SLAMF9: variants seen among roughly 807,000 people sequenced by gnomAD.
SLAMF9 encodes SLAM family member 9.
SLAMF9 carries 25 observed loss-of-function variants against 30.4 expected under a neutral mutation model. That is an observed-to-expected ratio of 0.82 (90% CI 0.60 to 1.15). The LOEUF is 1.15. Among genes scored for constraint, SLAMF9 ranks in the 50% most tolerant of loss-of-function variants. The probability of loss-of-function intolerance (pLI) is 0.00; values close to 1 mark genes in which losing one functional copy is unlikely to be tolerated. For missense variants in SLAMF9, 344 were observed against 346.1 expected, an observed-to-expected ratio of 0.99 and a Z score of 0.05; for synonymous variants, 129 against 127.2, an observed-to-expected ratio of 1.01 and a Z score of -0.09.
rs1414669147 is a variant in SLAMF9, at chr1:159,952,462, A to C, written c.464T>G (p.Val155Gly). The C allele has an allele frequency of 4.3e-6, 7 of 1,614,098 alleles. No homozygotes were observed. In the South Asian group the frequency reaches 5.5e-5, roughly 13 times the overall value. ...CATGCCTGCCTTCTCCACAGAGCAC[A>C]CCAGGGACATACTGCAGGCACCTTC... ...SGEGACSMSL[V>G]CSVEKAGMDM... The change falls in exon 3 of 4, where the codon GTG becomes GGG. Residue 155 changes from valine to glycine, a missense_variant. Physicochemically the swap from Val to Gly is moderately radical, Grantham distance 109. Transcript: ENST00000368093.
chr1:159,973,085 C>G, the SLAMF9 span: 1 of 1,491,022 alleles, frequency 6.7e-7, no homozygotes, highest in South Asian at 1.3e-5. Context: ...CAGAGTCTCC[C>G]TCCTTGACTC....
chr1:159,976,889 A>AT, the SLAMF9 span: 1 of 149,966 alleles, frequency 6.7e-6, no homozygotes, highest in Non-Finnish European at 1.5e-5. Context: ...CTAAAAAAAA[A>AT]GAGAAAGAAA....
At chr1:159,952,002 A>G (rs1351638043) in intron 3 of SLAMF9, 136 bp from the exon 4 acceptor site, 2 of 760,384 alleles carry the variant, frequency 2.6e-6, no homozygotes, top group Non-Finnish European at 4.3e-6. Flanking sequence ...TGTCTCTGGA[A>G]ATATATTCTA....
chr1:159,976,376 T>A, the SLAMF9 span, among the ~76,000 whole-genome samples: 1 of 152,208 alleles, frequency 6.6e-6, no homozygotes, highest in African/African-American at 2.4e-5. Context: ...TGAAGCCATG[T>A]GTACAGTGCA....
At chr1:159,964,736 T>G in the SLAMF9 span, among the ~76,000 whole-genome samples, 1 of 152,200 alleles carries the variant, frequency 6.6e-6, no homozygotes, top group African/African-American at 2.4e-5. Context: ...TTTACTTGAT[T>G]AAACAAATTT....
the SLAMF9 span, among the ~76,000 whole-genome samples, chr1:159,968,714 C>G: frequency 6.6e-6 from 1 of 152,096 alleles, no homozygotes; most frequent in Non-Finnish European, 1.5e-5. Flanking sequence ...TAGCAGCACA[C>G]CAACAATGGA....
chr1:159,960,568 C>A, the SLAMF9 span, among the ~76,000 whole-genome samples: 2 of 151,356 alleles, frequency 1.3e-5, no homozygotes, highest in Non-Finnish European at 2.9e-5. Context: ...CAGGTTCAAG[C>A]AATTCTTCCA....
At chr1:159,975,314 C>A in the SLAMF9 span, among the ~76,000 whole-genome samples, 2 of 152,100 alleles carry the variant, frequency 1.3e-5, no homozygotes, top group South Asian at 4.1e-4. Flanking sequence ...TTAGTTCTAC[C>A]TGGGGAGGAG....
chr1:159,976,912 A>AAAAGAAAGAAAG, the SLAMF9 span: 8 of 59,498 alleles, frequency 1.3e-4, no homozygotes, highest in African/African-American at 4.8e-4. Flanking sequence ...AGGAAAGAAA[A>AAAAGAAAGAAAG]AAAGAAAGAA....
chr1:159,982,542 CTT>C, the SLAMF9 span, among the ~76,000 whole-genome samples: 3 of 152,318 alleles, frequency 2.0e-5, no homozygotes, highest in Admixed American at 6.5e-5. Flanking sequence ...TCATGCCTCT[CTT>C]TGTGCTATTT....
chr1:159,951,728 A>T lies in SLAMF9; in HGVS notation c.803T>A (p.Met268Lys). 1.2e-6 allele frequency: 2 copies of T among 1,614,188 alleles called. No homozygotes were observed. Among genetic ancestry groups the T allele is most frequent in the Non-Finnish European group, 1.7e-6 (2 of 1,180,032 alleles). Residue 268 changes from methionine (M) to lysine (K), a missense_variant, in exon 4 of 4, where the codon ATG becomes AAG. Met to Lys is a moderately conservative substitution (Grantham distance 95). Transcript: ENST00000368093. The stretch of plus-strand genomic sequence containing the variant: ...CATTCTGTTTCTCATGAGTTTCTTC[A>T]TCCTTGGCATTTTGTGTCTTTTCTG... Reference protein sequence around the residue: ...RVQKRHKMPRMKKLMRNRMKL... With the variant: ...RVQKRHKMPRKKKLMRNRMKL...
chr1:159,983,436 G>A, the SLAMF9 span: 1 of 152,162 alleles, frequency 6.6e-6, no homozygotes, highest in South Asian at 2.1e-4. Context: ...GGGTCCTCAA[G>A]TTGCCAAGAA....
the SLAMF9 span, among the ~76,000 whole-genome samples, chr1:159,981,795 A>G: frequency 6.6e-6 from 1 of 152,262 alleles, no homozygotes; most frequent in Non-Finnish European, 1.5e-5. Context: ...ACAGGGCTAG[A>G]AACAGGCCAC....
the SLAMF9 span, among the ~76,000 whole-genome samples, chr1:159,961,822 G>T: frequency 6.6e-6 from 1 of 152,154 alleles, no homozygotes; most frequent in Non-Finnish European, 1.5e-5. Flanking sequence ...GCCGCTCACT[G>T]GGGGCGTATA....
chr1:159,975,339 G>T, the SLAMF9 span, among the ~76,000 whole-genome samples: 1 of 152,160 alleles, frequency 6.6e-6, no homozygotes, highest in Non-Finnish European at 1.5e-5. Flanking sequence ...AAAGAGGTGA[G>T]ATTGCTTTGA....
At chr1:159,983,809 G>A in the SLAMF9 span, 4 of 152,290 alleles carry the variant, frequency 2.6e-5, no homozygotes, top group African/African-American at 9.6e-5. Context: ...CCTTCAAAAT[G>A]CGAAGCAAAA....
At chr1:159,959,856 G>T in the SLAMF9 span, among the ~76,000 whole-genome samples, 4 of 152,046 alleles carry the variant, frequency 2.6e-5, no homozygotes, top group Admixed American at 2.6e-4. Flanking sequence ...CTCAAGGGCA[G>T]ATCTCCCTCA....
chr1:159,965,230 G>A, the SLAMF9 span, among the ~76,000 whole-genome samples: 3 of 152,224 alleles, frequency 2.0e-5, no homozygotes, highest in South Asian at 2.1e-4. Flanking sequence ...AAACAGATCT[G>A]TACCGTCTGA....
the SLAMF9 span, among the ~76,000 whole-genome samples, chr1:159,978,216 G>T: frequency 6.6e-6 from 1 of 152,058 alleles, no homozygotes; most frequent in Non-Finnish European, 1.5e-5. Context: ...GGCCAGGTGA[G>T]ACCTCAGTGA....
Sources: gnomAD v4.1 joint callset for allele counts (sites outside exome capture counted in the v4.1 genomes callset) on GRCh38, gnomAD v4.1.1 for gene constraint, MANE v1.5 for transcripts, NCBI Gene and HGNC (gene_info 2026-07-23, HGNC 2026-07-21) for gene names.